QTMAN: variants seen among roughly 807,000 people sequenced by gnomAD.
QTMAN encodes queuosine-tRNA mannosyltransferase.
At chr2:144,049,929 G>A in the QTMAN span, among the ~76,000 whole-genome samples, 1 of 152,138 alleles carries the variant, frequency 6.6e-6, no homozygotes, top group Non-Finnish European at 1.5e-5. Flanking sequence ...CAGGCACATA[G>A]TAAGTTTATA....
chr2:144,210,490 T>C, the QTMAN span, among the ~76,000 whole-genome samples: 2 of 152,170 alleles, frequency 1.3e-5, no homozygotes, highest in Admixed American at 6.5e-5. Flanking sequence ...GATATACATA[T>C]GTGTTTGAAA....
At chr2:144,242,173 A>T in the QTMAN span, among the ~76,000 whole-genome samples, 1 of 152,218 alleles carries the variant, frequency 6.6e-6, no homozygotes, top group African/African-American at 2.4e-5. Context: ...GAATAAGAAG[A>T]GCTTAACTTT....
chr2:144,163,748 A>G, the QTMAN span, among the ~76,000 whole-genome samples: 1 of 152,204 alleles, frequency 6.6e-6, no homozygotes. Flanking sequence ...TACACTATTT[A>G]ACAACTGCAT....
At chr2:143,952,179 G>A in the QTMAN span, 7 of 684,586 alleles carry the variant, frequency 1.0e-5, no homozygotes, top group African/African-American at 3.6e-5. Context: ...GTGCCGCCTC[G>A]TGTTTTACAT....
chr2:144,068,466 A>G, the QTMAN span, among the ~76,000 whole-genome samples: 68 of 152,328 alleles, frequency 4.5e-4, no homozygotes, highest in Admixed American at 1.6e-3. Flanking sequence ...TTTATGTCAG[A>G]ATGTATTTTA....
chr2:144,261,790 C>T, the QTMAN span, among the ~76,000 whole-genome samples: 2 of 152,036 alleles, frequency 1.3e-5, no homozygotes, highest in African/African-American at 4.8e-5. Context: ...ATATATCTTG[C>T]CATTTTTGAA....
chr2:144,178,123 GGAAA>G, the QTMAN span, among the ~76,000 whole-genome samples: 1 of 152,092 alleles, frequency 6.6e-6, no homozygotes, highest in Non-Finnish European at 1.5e-5. Flanking sequence ...ACAGCGAGGA[GGAAA>G]GAAGTGAGGA....
At chr2:144,021,038 T>G in the QTMAN span, among the ~76,000 whole-genome samples, 6 of 139,236 alleles carry the variant, frequency 4.3e-5, no homozygotes, top group African/African-American at 1.3e-4. Context: ...AATTTAGGAG[T>G]TGAAGAAAGT....
At chr2:144,306,158 C>T in the QTMAN span, among the ~76,000 whole-genome samples, 2 of 152,120 alleles carry the variant, frequency 1.3e-5, no homozygotes, top group African/African-American at 4.8e-5. Context: ...ACATAGATGC[C>T]CTTTCCCATG....
At chr2:144,281,395 CAAAA>C in the QTMAN span, among the ~76,000 whole-genome samples, 2 of 60,586 alleles carry the variant, frequency 3.3e-5, no homozygotes, top group Non-Finnish European at 5.9e-5. Context: ...ATTGTTATAG[CAAAA>C]AAAAAAAAAA....
chr2:144,253,025 G>A, the QTMAN span, among the ~76,000 whole-genome samples: 7 of 152,176 alleles, frequency 4.6e-5, no homozygotes, highest in African/African-American at 1.7e-4. Context: ...ATCCCCACAT[G>A]TTGTGGGAGG....
chr2:144,302,267 A>G, the QTMAN span, among the ~76,000 whole-genome samples: 1 of 151,676 alleles, frequency 6.6e-6, no homozygotes, highest in East Asian at 1.9e-4. Context: ...ATATACTCAC[A>G]CATATATGTC....
the QTMAN span, among the ~76,000 whole-genome samples, chr2:143,980,058 G>A: frequency 1.3e-5 from 2 of 152,024 alleles, no homozygotes; most frequent in Non-Finnish European, 2.9e-5. Flanking sequence ...AGGGGTACGT[G>A]TGCAGGATGT....
chr2:144,179,695 G>A, the QTMAN span, among the ~76,000 whole-genome samples: 9 of 152,250 alleles, frequency 5.9e-5, no homozygotes, highest in Non-Finnish European at 1.0e-4. Context: ...CTAGACAAGA[G>A]TTGCCTACAA....
At chr2:144,134,501 A>G in the QTMAN span, among the ~76,000 whole-genome samples, 93 of 152,288 alleles carry the variant, frequency 6.1e-4, 1 homozygote, top group East Asian at 0.013. Flanking sequence ...TGCTCTTTAT[A>G]TAATCCCTAT....
the QTMAN span, among the ~76,000 whole-genome samples, chr2:144,325,911 T>C: frequency 6.6e-6 from 1 of 152,238 alleles, no homozygotes; most frequent in Non-Finnish European, 1.5e-5. Context: ...GGGTGTTCAA[T>C]ACATGACTAC....
the QTMAN span, among the ~76,000 whole-genome samples, chr2:144,224,910 A>G: frequency 6.6e-6 from 1 of 152,206 alleles, no homozygotes; most frequent in African/African-American, 2.4e-5. Context: ...AGAATGATAA[A>G]TGTAGAACAT....
chr2:144,231,200 C>T, the QTMAN span, among the ~76,000 whole-genome samples: 4,233 of 152,188 alleles, frequency 0.028, 195 homozygotes, highest in African/African-American at 0.096. Context: ...GAAGATTACT[C>T]ATTTTGACCA....
chr2:144,011,676 T>G, the QTMAN span: 3 of 978,726 alleles, frequency 3.1e-6, no homozygotes, highest in Non-Finnish European at 3.6e-6. Context: ...ACCTTACTGA[T>G]GGGGTGAAAC....
Sources: allele counts gnomAD v4.1 joint callset (sites outside exome capture counted in the v4.1 genomes callset), GRCh38; gene constraint gnomAD v4.1.1; transcripts MANE v1.5; gene names NCBI Gene and HGNC (gene_info 2026-07-23, HGNC 2026-07-21).